The following CCKBR variants were observed in gnomAD, a reference collection of about 807,000 sequenced individuals.
CCKBR encodes gastrin/cholecystokinin type B receptor.
In CCKBR, 33 loss-of-function variants were observed where a neutral mutation model predicts 34.6. The ratio of observed to expected loss-of-function variants is 0.95; its 90% CI spans 0.72 to 1.27. CCKBR has a LOEUF of 1.27. Among genes scored for constraint, CCKBR ranks in the 50% most tolerant of loss-of-function variants. CCKBR has a pLI of 0.00. For synonymous variants in CCKBR, 269 were observed against 267.5 expected (o/e 1.01, Z -0.06); for missense variants, 652 against 617.4 (o/e 1.06, Z -0.59).
chr11:6,264,160 A>C (rs1157102149), intron 1 of CCKBR, among the ~76,000 whole-genome samples: 1 of 152,242 alleles, frequency 6.6e-6, no homozygotes, highest in African/African-American at 2.4e-5. Flanking sequence ...AAGTATGCCC[A>C]ACACTCACTC....
Position 6,259,840 on chromosome 11 carries a change from C to A in CCKBR, c.-89C>A. 3 of 1,156,280 alleles carry A rather than the reference C, an allele frequency of 2.6e-6. No individual in the cohort carries two copies. The highest frequency in any genetic ancestry group is 3.8e-5 in the South Asian group (2 of 52,972). 71.6% of individuals were successfully genotyped at this position (1,156,280 alleles called of 1,614,324 possible). A position where few individuals can be genotyped will look rare whatever the true frequency, so the allele number is the denominator to read the frequency against. On this transcript the variant is annotated 5_prime_UTR_variant, in exon 1 of 5. Coordinates refer to ENST00000334619, the MANE Select transcript of CCKBR (RefSeq NM_176875.4). ...GGCAGGGAGAGGAGGGCGGCGGGAG[C>A]CTGAGCCGGAATCGCAGCGTGAGCA...
chr11:6,261,839 T>C (rs1271214084), intron 1 of CCKBR, among the ~76,000 whole-genome samples: 1 of 152,174 alleles, frequency 6.6e-6, no homozygotes, highest in African/African-American at 2.4e-5. Context: ...GGCAGGGGGA[T>C]ACTTTACAAG....
intron 1 of CCKBR, among the ~76,000 whole-genome samples, chr11:6,260,942 C>T (rs867415407): frequency 6.6e-6 from 1 of 152,128 alleles, no homozygotes; most frequent in South Asian, 2.1e-4. Flanking sequence ...GAGGCTAGAA[C>T]CTTAGAGCTG....
rs779211798 is a variant in CCKBR, at chr11:6,270,734, G to C, written c.742G>C (p.Gly248Arg). ...YGLISRELYL[G>R]LRFDGDSDSD... ...GCTTATCTCTCGCGAGCTCTACTTA[G>C]GGCTTCGCTTTGACGGCGACAGTGA... The change falls in exon 4 of 5, where the codon GGG becomes CGG. Residue 248 changes from glycine (G) to arginine (R), a missense_variant. Transcript: ENST00000334619. The C allele has an allele frequency of 5.6e-6, 9 of 1,614,096 alleles. No homozygotes were observed. The South Asian group carries it at 9.9e-5, about 18-fold the overall frequency.
chr11:6,270,776 AG>A lies in CCKBR; in HGVS notation c.787del (p.Val263SerfsTer44), dbSNP rs1564888785. The A allele has an allele frequency of 1.2e-6, 2 of 1,614,186 alleles. No individual in the cohort carries two copies. Among genetic ancestry groups the A allele is most frequent in the Admixed American group, 3.3e-5 (2 of 60,028 alleles). On this transcript the variant is annotated frameshift_variant, in exon 4 of 5. Coordinates refer to ENST00000334619, the MANE Select transcript of CCKBR (RefSeq NM_176875.4). LOFTEE classifies it low-confidence loss of function (END_TRUNC). ...DGDSDSDSQS[R>X]VRNQGGLPGA... is the part of the protein sequence containing the mutation. ...CGACAGTGACAGCGACAGCCAAAGC[AG>A]GGTCCGAAACCAAGGCGGGCTGCCA...
chr11:6,269,819 T>A lies in CCKBR; in HGVS notation c.302T>A (p.Leu101His), dbSNP rs1411590493. 3 of 1,614,030 alleles carry A rather than the reference T, an allele frequency of 1.9e-6. No homozygotes were observed. Among genetic ancestry groups the A allele is most frequent in the Non-Finnish European group, 2.5e-6 (3 of 1,180,014 alleles). ...CTCCTCTCACTGGCAGTCAGCGACC[T>A]CCTGCTGGCTGTGGCTTGCATGCCC... ...AFLLSLAVSD[L>H]LLAVACMPFT... The change falls in exon 2 of 5, where the codon CTC (leucine) becomes CAC (histidine). Residue 101 changes from leucine (L) to histidine (H), a missense_variant. Leu to His is a moderately conservative substitution (Grantham distance 99). Transcript: ENST00000334619.
In CCKBR at chr11:6,270,140, G is replaced by A; in HGVS notation, c.456G>A (p.Arg152=). The part of the protein sequence containing the change: ...TLSLVAIALE[R]YSAICRPLQA... ...GCCTCGTGGCCATCGCACTGGAGCG[G>A]TACAGCGCCATCTGCCGACCACTGC... The change falls in exon 3 of 5, where the codon CGG becomes CGA. Residue 152 remains arginine, a synonymous_variant. Transcript: ENST00000334619. The A allele has an allele frequency of 1.2e-6, 2 of 1,613,842 alleles. No individual in the cohort carries two copies. Among genetic ancestry groups the A allele is most frequent in the Non-Finnish European group, 1.7e-6 (2 of 1,179,934 alleles).
intron 1 of CCKBR, among the ~76,000 whole-genome samples, chr11:6,261,462 T>TATATATATACACAC (rs764173521): frequency 0.077 from 4,898 of 63,696 alleles, 440 homozygotes; most frequent in East Asian, 0.21. Context: ...AAAATATATA[T>TATATATATACACAC]ACACACACAC....
intron 1 of CCKBR, chr11:6,264,669 C>T (rs1046354927): frequency 9.8e-6 from 6 of 610,804 alleles, no homozygotes; most frequent in African/African-American, 9.2e-5. Flanking sequence ...TGCCTGTTTC[C>T]TAGTCACTGA....
At chr11:6,264,547 G>C in intron 1 of CCKBR, 1 of 700,608 alleles carries the variant, frequency 1.4e-6, no homozygotes, top group Non-Finnish European at 2.6e-6. Flanking sequence ...CGCCTGGTCT[G>C]ATGCCAGTTT....
rs962000992 is a variant in CCKBR at position 6,270,589 on chromosome 11, T to A, written c.654-57T>A. The A allele has an allele frequency of 6.5e-5, 100 of 1,531,384 alleles. 1 individual carries two copies. The South Asian group carries it at 1.0e-3, about 16-fold the overall frequency. 94.9% of individuals were successfully genotyped at this position (1,531,384 alleles called of 1,614,324 possible). ...AGAAACACTAGTCCTTGGCTTTTTCTCCATCTGTGATTACAGCTGGACAGA... is the reference window on the plus strand; with the variant it reads ...AGAAACACTAGTCCTTGGCTTTTTCACCATCTGTGATTACAGCTGGACAGA... On this transcript the variant is annotated intron_variant, in intron 3 of 4. Coordinates refer to ENST00000334619, the MANE Select transcript of CCKBR (RefSeq NM_176875.4).
At chr11:6,263,419 T>G (rs1400450237) in intron 1 of CCKBR, among the ~76,000 whole-genome samples, 1 of 152,144 alleles carries the variant, frequency 6.6e-6, no homozygotes, top group Non-Finnish European at 1.5e-5. Context: ...GCTTAAATAT[T>G]ACTTACATTC....
rs182408159 is a variant in CCKBR at position 6,262,809 on chromosome 11, G to A, written c.151+2730G>A. 2.7e-3 allele frequency among the ~76,000 whole-genome samples: 415 copies of A among 152,310 alleles called. 3 individuals are homozygous for A. The highest frequency in any genetic ancestry group is 4.5e-3 in the Non-Finnish European group (308 of 68,018). ...GTGCATAGGTTTGTTACGTGTGTGC[G>A]CGTGTGTGTGCACGCATTTTAAAAC... On this transcript the variant is annotated intron_variant, in intron 1 of 4. Transcript: ENST00000334619.
Position 6,270,438 on chromosome 11 carries a change from C to T in CCKBR, c.653+101C>T, listed in dbSNP as rs575189252. 173 of 1,468,240 alleles carry T rather than the reference C, an allele frequency of 1.2e-4. 1 individual carries two copies. The African/African-American group carries it at 2.1e-3, about 17-fold the overall frequency. The allele number at this position is 1,468,240 out of a possible 1,614,324, so 91.0% of individuals were successfully genotyped here. On this transcript the variant is annotated intron_variant, in intron 3 of 4. Coordinates refer to ENST00000334619, the MANE Select transcript of CCKBR (RefSeq NM_176875.4). Reference sequence around the variant, plus strand: ...TTCCTCCAGCTTCCCGGAGAATTACCACGCCAACTCCTATTCTGCATCCAC... The same window carrying T: ...TTCCTCCAGCTTCCCGGAGAATTACTACGCCAACTCCTATTCTGCATCCAC...
intron 2 of CCKBR, 77 bp from the exon 3 acceptor site, chr11:6,270,011 G>T: frequency 3.8e-6 from 6 of 1,590,088 alleles, no homozygotes; most frequent in Non-Finnish European, 5.1e-6. Flanking sequence ...GGCAGGGAGG[G>T]GTGTGAGGAA....
chr11:6,270,123 G>T lies in CCKBR; in HGVS notation c.439G>T (p.Ala147Ser), dbSNP rs146802326. ...SVSVSTLSLV[A>S]IALERYSAIC... is the part of the protein sequence containing the mutation. ...GAGTGTGTCCACGCTAAGCCTCGTG[G>T]CCATCGCACTGGAGCGGTACAGCGC... The change falls in exon 3 of 5, where the codon GCC becomes TCC. Residue 147 changes from alanine (A) to serine (S), a missense_variant. Ala to Ser is a moderately conservative substitution (Grantham distance 99). Coordinates refer to ENST00000334619, the MANE Select transcript of CCKBR (RefSeq NM_176875.4). The T allele has an allele frequency of 2.3e-5, 37 of 1,611,010 alleles. No individual in the cohort carries two copies. The East Asian group carries it at 7.8e-4, about 34-fold the overall frequency.
intron 1 of CCKBR, chr11:6,264,555 T>G: frequency 1.4e-6 from 1 of 700,698 alleles, no homozygotes; most frequent in Non-Finnish European, 2.6e-6. Context: ...CTGATGCCAG[T>G]TTTCCTCATC....
chr11:6,269,693 C>A lies in CCKBR; in HGVS notation c.176C>A (p.Thr59Asn). The A allele has an allele frequency of 6.2e-7, 1 of 1,613,982 alleles. No individual in the cohort carries two copies. The highest frequency in any genetic ancestry group is 1.3e-5 in the African/African-American group (1 of 75,022). The part of the protein sequence containing the change: ...TRELELAIRI[T>N]LYAVIFLMSV... ...GAATTGGAGCTGGCCATTAGAATCA[C>A]TCTTTACGCAGTGATCTTCCTGATG... Residue 59 changes from threonine (T) to asparagine (N), a missense_variant, in exon 2 of 5, where the codon ACT (threonine) becomes AAT (asparagine). Coordinates refer to ENST00000334619, the MANE Select transcript of CCKBR (RefSeq NM_176875.4).
chr11:6,270,609 G>T, intron 3 of CCKBR, 37 bp from the exon 4 acceptor site: 2 of 1,560,406 alleles, frequency 1.3e-6, no homozygotes, highest in South Asian at 2.4e-5. Flanking sequence ...ATTACAGCTG[G>T]ACAGAAACCC....
Sources: gnomAD v4.1 joint callset for allele counts (sites outside exome capture counted in the v4.1 genomes callset) on GRCh38, gnomAD v4.1.1 for gene constraint, MANE v1.5 for transcripts, NCBI Gene and HGNC (gene_info 2026-07-23, HGNC 2026-07-21) for gene names.